Variants in INVS observed in about 807,000 individuals in gnomAD.
The protein encoded by INVS is inversin.
In INVS, 86 loss-of-function variants were observed where a neutral mutation model predicts 108.8. That is an observed-to-expected ratio of 0.79 (90% confidence interval 0.66 to 0.95). The LOEUF (loss-of-function observed/expected upper bound fraction) is 0.95, where lower values mean the gene tolerates loss of function less well. Among genes scored for constraint, INVS ranks in the 40% least tolerant of loss-of-function variants. The pLI is 0.00. For synonymous variants in INVS, 455 were observed against 473.5 expected (o/e 0.96, Z 0.51); for missense variants, 1,169 against 1,297.4 (o/e 0.90, Z 1.52).
rs1176029739 is a variant in INVS at position 100,252,391 on chromosome 9, G to A, written c.1187G>A (p.Arg396Gln). The A allele has an allele frequency of 5.0e-6, 8 of 1,613,918 alleles. No individual in the cohort carries two copies. The highest frequency in any genetic ancestry group is 2.2e-5 in the East Asian group (1 of 44,856). Residue 396 changes from arginine to glutamine, a missense_variant, in exon 9 of 17, where the codon CGA becomes CAA. Transcript: ENST00000262457. ...GTTATGAAACATACTCCACTTTTCC[G>A]AGCCTGTGAGATGGGACACAAAGAT... Reference protein sequence around the residue: ...TDVMKHTPLFRACEMGHKDVI... With the variant: ...TDVMKHTPLFQACEMGHKDVI...
At chr9:100,242,193 A>G (rs1831896536) in intron 6 of INVS, among the ~76,000 whole-genome samples, 2 of 152,218 alleles carry the variant, frequency 1.3e-5, no homozygotes, top group Admixed American at 1.3e-4. Context: ...CGGAACCTTG[A>G]GAGTAGGAGC....
At chr9:100,124,546 T>TA (rs55879793) in intron 2 of INVS, among the ~76,000 whole-genome samples, 21,275 of 136,804 alleles carry the variant, frequency 0.16, 1,919 homozygotes, top group Middle Eastern at 0.23. Context: ...AGACCCTCAT[T>TA]AAAAAAAAAA....
intron 5 of INVS, among the ~76,000 whole-genome samples, chr9:100,233,008 GT>G (rs1831560952): frequency 6.6e-6 from 1 of 152,042 alleles, no homozygotes; most frequent in Non-Finnish European, 1.5e-5. Context: ...TTTTCCATTT[GT>G]TTGTGTCCTC....
chr9:100,190,934 C>T (rs764242437), intron 3 of INVS, among the ~76,000 whole-genome samples: 2 of 151,968 alleles, frequency 1.3e-5, no homozygotes, highest in Non-Finnish European at 2.9e-5. Context: ...GATCATGGCT[C>T]ACTGCAGCCT....
intron 3 of INVS, among the ~76,000 whole-genome samples, chr9:100,188,116 T>C (rs887271869): frequency 2.0e-5 from 3 of 152,348 alleles, no homozygotes; most frequent in African/African-American, 4.8e-5. Context: ...AATCATATCA[T>C]TGGCAAAGAG....
Position 100,185,516 on chromosome 9 carries a change from AATATATATATATATATATATATAT to A in INVS, c.274-40527_274-40504del, listed in dbSNP as rs35603398. ...ACACTTCATTTTGTATATGCATAGAAATATATATATATATATATATATATATATATATATATATATATTCATTTT... is the reference window on the plus strand; with the variant it reads ...ACACTTCATTTTGTATATGCATAGAAATATATATATATATATATTCATTTT... On this transcript the variant is annotated intron_variant, in intron 3 of 16. Coordinates refer to ENST00000262457, the MANE Select transcript of INVS (RefSeq NM_014425.5). Among the ~76,000 whole-genome samples the A allele has an allele frequency of 1.4e-3, 150 of 110,856 alleles. 4 individuals are homozygous for A. The South Asian group carries it at 0.046, about 34-fold the overall frequency. The allele number at this position is 110,856 out of a possible 152,430, so 72.7% of individuals were successfully genotyped here. A position where few individuals can be genotyped will look rare whatever the true frequency, so the allele number is the denominator to read the frequency against.
intron 13 of INVS, among the ~76,000 whole-genome samples, chr9:100,290,746 C>T (rs1833586544): frequency 6.6e-6 from 1 of 151,202 alleles, no homozygotes; most frequent in African/African-American, 2.4e-5. Context: ...CATAGTCTCA[C>T]TCTGTTGCTC....
intron 7 of INVS, among the ~76,000 whole-genome samples, chr9:100,246,326 T>G (rs1588118438): frequency 6.6e-6 from 1 of 152,160 alleles, no homozygotes; most frequent in East Asian, 1.9e-4. Flanking sequence ...CTATAAAGTT[T>G]CCAAGCTTGA....
At chr9:100,144,608 G>A (rs1426560128) in intron 3 of INVS, among the ~76,000 whole-genome samples, 2 of 152,192 alleles carry the variant, frequency 1.3e-5, no homozygotes, top group African/African-American at 4.8e-5. Context: ...ACTTTCCTAA[G>A]AGGAAATTGC....
intron 2 of INVS, chr9:100,116,977 G>A (rs1392569017): frequency 2.8e-5 from 43 of 1,560,170 alleles, no homozygotes; most frequent in Non-Finnish European, 3.2e-5. Flanking sequence ...AGCAGTCATC[G>A]ATACCAGCCA....
chr9:100,252,967 T>C lies in INVS; in HGVS notation c.1295T>C (p.Leu432Pro). Reference protein sequence around the residue: ...DGHSLLHWAALGGNADVCQIL... With the variant: ...DGHSLLHWAAPGGNADVCQIL... Reference sequence around the variant, plus strand: ...CATTCTCTTCTACATTGGGCAGCACTGGGAGGAAATGCTGATGTTTGCCAG... The same window carrying C: ...CATTCTCTTCTACATTGGGCAGCACCGGGAGGAAATGCTGATGTTTGCCAG... The change falls in exon 10 of 17, where the codon CTG becomes CCG. Residue 432 changes from leucine to proline, a missense_variant. Physicochemically the swap from Leu to Pro is moderately conservative, Grantham distance 98. Around this residue, in one of 3 missense-constraint regions of INVS, gnomAD observed 271 missense variants for 363.8 expected, o/e 0.74. Transcript: ENST00000262457. 2 of 1,614,020 alleles carry C rather than the reference T, an allele frequency of 1.2e-6. No homozygotes were observed. Among genetic ancestry groups the C allele is most frequent in the Non-Finnish European group, 1.7e-6 (2 of 1,179,904 alleles).
intron 3 of INVS, among the ~76,000 whole-genome samples, chr9:100,177,740 G>C (rs1191525626): frequency 6.6e-6 from 1 of 152,210 alleles, no homozygotes; most frequent in Non-Finnish European, 1.5e-5. Context: ...GCTCTGAAGA[G>C]AGCAGCAGAT....
chr9:100,106,483 C>T (rs2118827805), intron 2 of INVS, among the ~76,000 whole-genome samples: 1 of 152,320 alleles, frequency 6.6e-6, no homozygotes, highest in South Asian at 2.1e-4. Context: ...TCCCTCACGA[C>T]TGCATTAGCG....
At chr9:100,177,613 G>T (rs953490902) in intron 3 of INVS, among the ~76,000 whole-genome samples, 3 of 152,184 alleles carry the variant, frequency 2.0e-5, no homozygotes, top group Middle Eastern at 3.2e-3. Flanking sequence ...TGAAAGAAAG[G>T]CAGAAGCCCC....
chr9:100,218,077 A>G lies in INVS; in HGVS notation c.274-7985A>G, dbSNP rs1349087497. On this transcript the variant is annotated intron_variant, in intron 3 of 16. Coordinates refer to ENST00000262457, the MANE Select transcript of INVS (RefSeq NM_014425.5). ...TTAAGTAATGTATTTTGGGTATATA[A>G]TATATTTAGGATTTAAAATGAACTA... Among the ~76,000 whole-genome samples the G allele has an allele frequency of 5.3e-5, 8 of 150,468 alleles. No homozygotes were observed. In the East Asian group the frequency reaches 1.5e-3, roughly 29 times the overall value.
intron 12 of INVS, among the ~76,000 whole-genome samples, chr9:100,278,258 T>G (rs1381724420): frequency 6.9e-6 from 1 of 144,740 alleles, no homozygotes; most frequent in South Asian, 2.2e-4. Context: ...AAAAAAAATT[T>G]ATGTGAGGAG....
At chr9:100,193,170 G>A (rs774196857) in intron 3 of INVS, among the ~76,000 whole-genome samples, 1 of 151,878 alleles carries the variant, frequency 6.6e-6, no homozygotes, top group African/African-American at 2.4e-5. Flanking sequence ...TGTAGAGATG[G>A]GGTGTCGCTA....
At chr9:100,122,052 A>T (rs1827740621) in intron 2 of INVS, among the ~76,000 whole-genome samples, 2 of 152,134 alleles carry the variant, frequency 1.3e-5, no homozygotes, top group African/African-American at 4.8e-5. Context: ...GTATGACTTC[A>T]CTTCTTTAAA....
In INVS at chr9:100,276,068, T is replaced by C. The variant is rs1167306199; in HGVS notation, c.1784+2992T>C. Among the ~76,000 whole-genome samples the C allele has an allele frequency of 3.3e-5, 5 of 152,226 alleles. No individual in the cohort carries two copies. In the East Asian group the frequency reaches 9.6e-4, roughly 29 times the overall value. On this transcript the variant is annotated intron_variant, in intron 12 of 16. Transcript: ENST00000262457. Reference sequence around the variant, plus strand: ...CTCCCTTCTCACATCTTTTAAATTATTCCATCTCCACACTGCAGTCAGCCT... The same window carrying C: ...CTCCCTTCTCACATCTTTTAAATTACTCCATCTCCACACTGCAGTCAGCCT...
Sources: allele counts gnomAD v4.1 joint callset (sites outside exome capture counted in the v4.1 genomes callset), GRCh38; gene constraint gnomAD v4.1.1; regional missense constraint gnomAD v4.1.1; transcripts MANE v1.5; gene names NCBI Gene and HGNC (gene_info 2026-07-23, HGNC 2026-07-21).